Variants in FAM135A observed in about 807,000 individuals in gnomAD.
FAM135A encodes the protein protein FAM135A.
FAM135A carries 79 observed loss-of-function variants against 146.8 expected under a neutral mutation model. That is an observed-to-expected ratio of 0.54 (90% confidence interval 0.45 to 0.65). The LOEUF (loss-of-function observed/expected upper bound fraction) is 0.65, where lower values mean the gene tolerates loss of function less well. FAM135A is among the 30% of genes least tolerant of loss of function. FAM135A has a pLI of 0.00. For missense variants in FAM135A, 1,623 were observed against 1,758.2 expected, an observed-to-expected ratio of 0.92 and a Z score of 1.38; for synonymous variants, 562 against 603.6, an observed-to-expected ratio of 0.93 and a Z score of 1.01.
chr6:70,492,706 C>A (rs923488419), intron 11 of FAM135A, among the ~76,000 whole-genome samples: 75 of 148,620 alleles, frequency 5.0e-4, no homozygotes, highest in African/African-American at 1.8e-3. Flanking sequence ...ATAACAAATT[C>A]TTAGCAGAAT....
At chr6:70,543,860 G>C (rs1313732635) in intron 20 of FAM135A, among the ~76,000 whole-genome samples, 1 of 152,080 alleles carries the variant, frequency 6.6e-6, no homozygotes, top group Non-Finnish European at 1.5e-5. Flanking sequence ...TTTCTTTTAA[G>C]TTATTAATTT....
intron 12 of FAM135A, among the ~76,000 whole-genome samples, chr6:70,509,832 A>G (rs1790594037): frequency 6.6e-6 from 1 of 152,172 alleles, no homozygotes; most frequent in Non-Finnish European, 1.5e-5. Context: ...TCCACATTTC[A>G]TCTCTTTCCC....
At chr6:70,491,457 T>C (rs866307751) in intron 11 of FAM135A, among the ~76,000 whole-genome samples, 1 of 151,910 alleles carries the variant, frequency 6.6e-6, no homozygotes, top group Non-Finnish European at 1.5e-5. Flanking sequence ...TCAATTTGCT[T>C]CTCAGATCAT....
At chr6:70,520,173 T>G (rs1426910208) in intron 12 of FAM135A, among the ~76,000 whole-genome samples, 2 of 152,138 alleles carry the variant, frequency 1.3e-5, no homozygotes, top group Non-Finnish European at 2.9e-5. Context: ...CTTTGTCTAA[T>G]TTGCTCTTTT....
intron 4 of FAM135A, among the ~76,000 whole-genome samples, chr6:70,442,238 G>GTTTTTTTTTTTTTTTTTT (rs147268217): frequency 1.5e-5 from 2 of 136,410 alleles, no homozygotes; most frequent in Non-Finnish European, 1.6e-5. Context: ...TTTCTTCATG[G>GTTTTTTTTTTTTTTTTTT]GTTTTTTTTT....
chr6:70,515,815 A>G (rs1792062922), intron 12 of FAM135A, among the ~76,000 whole-genome samples: 1 of 152,200 alleles, frequency 6.6e-6, no homozygotes, highest in South Asian at 2.1e-4. Context: ...CAGTAACACA[A>G]GATGTAAATA....
At chr6:70,527,430 C>T (rs920864648) in intron 15 of FAM135A, among the ~76,000 whole-genome samples, 3 of 152,030 alleles carry the variant, frequency 2.0e-5, no homozygotes, top group Admixed American at 1.3e-4. Flanking sequence ...AATTAAGATA[C>T]ATAGTGTCTA....
intron 10 of FAM135A, among the ~76,000 whole-genome samples, chr6:70,488,649 G>T (rs1785209101): frequency 6.6e-6 from 1 of 151,960 alleles, no homozygotes; most frequent in Non-Finnish European, 1.5e-5. Flanking sequence ...ACTATTCACT[G>T]AAAGCCTTAC....
intron 2 of FAM135A, chr6:70,418,434 A>T (rs1207187682): frequency 6.6e-6 from 1 of 152,412 alleles, no homozygotes; most frequent in Non-Finnish European, 1.5e-5. Flanking sequence ...GGTTCAAGCG[A>T]TTCTCCTGCC....
chr6:70,472,548 C>T (rs563939726), intron 5 of FAM135A, among the ~76,000 whole-genome samples: 1 of 152,280 alleles, frequency 6.6e-6, no homozygotes, highest in South Asian at 2.1e-4. Flanking sequence ...AATCAAGAAG[C>T]TAACACTGAC....
chr6:70,530,870 T>C (rs1397261091), intron 16 of FAM135A, among the ~76,000 whole-genome samples: 1 of 152,230 alleles, frequency 6.6e-6, no homozygotes, highest in East Asian at 1.9e-4. Flanking sequence ...TAAGCAATTA[T>C]ACCAGCCATT....
At chr6:70,477,973 A>C (rs1782945717) in intron 8 of FAM135A, among the ~76,000 whole-genome samples, 1 of 152,126 alleles carries the variant, frequency 6.6e-6, no homozygotes, top group African/African-American at 2.4e-5. Flanking sequence ...TTTATTCTGT[A>C]CCTATGTTTT....
At chr6:70,527,931 G>A (rs1028067479) in intron 15 of FAM135A, among the ~76,000 whole-genome samples, 2 of 152,042 alleles carry the variant, frequency 1.3e-5, no homozygotes, top group African/African-American at 4.8e-5. Flanking sequence ...TTCATTACAG[G>A]ATAAACATCA....
At chr6:70,451,567 T>C (rs540795839) in intron 4 of FAM135A, among the ~76,000 whole-genome samples, 35 of 152,330 alleles carry the variant, frequency 2.3e-4, no homozygotes, top group African/African-American at 8.4e-4. Flanking sequence ...TGACTTTTAA[T>C]GTTCCAAATT....
chr6:70,472,712 C>G (rs1350638375), intron 5 of FAM135A, among the ~76,000 whole-genome samples: 1 of 152,134 alleles, frequency 6.6e-6, no homozygotes, highest in South Asian at 2.1e-4. Flanking sequence ...TCCTCAGTCT[C>G]TTCTTGACTT....
In FAM135A at chr6:70,559,169, AG is replaced by A. The variant is rs1446668039; in HGVS notation, c.4343-543del. ...AAAATACCAAATTTCGGCTGGGCGC[AG>A]GGGCTCACGCCTGTAATCCCAGCAC... On this transcript the variant is annotated intron_variant, in intron 21 of 21. Transcript: ENST00000418814. Among the ~76,000 whole-genome samples, 3 of 152,208 alleles carry A rather than the reference AG, an allele frequency of 2.0e-5. No homozygotes were observed. In the East Asian group the frequency reaches 5.8e-4, roughly 29 times the overall value.
intron 5 of FAM135A, among the ~76,000 whole-genome samples, chr6:70,467,636 C>T (rs1353695188): frequency 6.6e-6 from 1 of 151,850 alleles, no homozygotes; most frequent in African/African-American, 2.4e-5. Flanking sequence ...TTATTTTTAA[C>T]CCTTTTTTGA....
At chr6:70,468,677 C>T (rs562798399) in intron 5 of FAM135A, among the ~76,000 whole-genome samples, 21 of 152,154 alleles carry the variant, frequency 1.4e-4, no homozygotes, top group South Asian at 6.2e-4. Context: ...TAAGATTTTA[C>T]AGTTCTTGAA....
chr6:70,505,534 C>T (rs1315352460), intron 12 of FAM135A, among the ~76,000 whole-genome samples: 2 of 150,408 alleles, frequency 1.3e-5, no homozygotes, highest in African/African-American at 5.0e-5. Flanking sequence ...GGGGATACTA[C>T]ATTTTTTTTT....
Sources: allele counts gnomAD v4.1 joint callset (sites outside exome capture counted in the v4.1 genomes callset), GRCh38; gene constraint gnomAD v4.1.1; transcripts MANE v1.5; gene names NCBI Gene and HGNC (gene_info 2026-07-23, HGNC 2026-07-21).